The following PTPRN2 variants were observed in gnomAD, a reference collection of about 807,000 sequenced individuals.
PTPRN2 encodes the protein receptor-type tyrosine-protein phosphatase N2.
PTPRN2 carries 74 observed loss-of-function variants against 118.8 expected under a neutral mutation model. That is an observed-to-expected ratio of 0.62 (90% CI 0.52 to 0.76). The LOEUF (loss-of-function observed/expected upper bound fraction) is 0.76. Among genes scored for constraint, PTPRN2 ranks in the 30% least tolerant of loss-of-function variants. The pLI, the probability that PTPRN2 is intolerant of heterozygous loss-of-function variation, is 0.00. For missense variants in PTPRN2, 1,481 were observed against 1,394.4 expected (o/e 1.06, Z -0.99); for synonymous variants, 641 against 608.0 (o/e 1.05, Z -0.80).
At chr7:157,983,588 CAT>C (rs112663616) in intron 11 of PTPRN2, among the ~76,000 whole-genome samples, 5,038 of 152,260 alleles carry the variant, frequency 0.033, 223 homozygotes, top group African/African-American at 0.095. Context: ...CCCCCGCCCA[CAT>C]GTGTCCACCA....
rs1301077842 is a variant in PTPRN2 at position 158,509,465 on chromosome 7, G to GC, written c.113-19681dup. Among the ~76,000 whole-genome samples, 1 of 152,218 alleles carries GC rather than the reference G, an allele frequency of 6.6e-6. No individual in the cohort carries two copies. Among genetic ancestry groups the GC allele is most frequent in the Non-Finnish European group, 1.5e-5 (1 of 68,032 alleles). On this transcript the variant is annotated intron_variant, in intron 1 of 22. Coordinates refer to ENST00000389418, the MANE Select transcript of PTPRN2 (RefSeq NM_002847.5). The surrounding 1 kb of genome is among the most constrained non-coding windows in gnomAD (Gnocchi z 4.4). ...AGCTCAGCATCCTGGCATCAAGTCT[G>GC]CCATTCAGGCCACACTGGGACTTGG...
At chr7:158,394,408 G>T (rs971362444) in intron 2 of PTPRN2, among the ~76,000 whole-genome samples, 1 of 152,222 alleles carries the variant, frequency 6.6e-6, no homozygotes, top group Non-Finnish European at 1.5e-5. Flanking sequence ...GGTGTGTGCA[G>T]GGAACACCTG....
intron 12 of PTPRN2, among the ~76,000 whole-genome samples, chr7:157,723,234 G>T (rs1391014734): frequency 6.6e-6 from 1 of 152,160 alleles, no homozygotes; most frequent in African/African-American, 2.4e-5. Context: ...TTGCCCTGAC[G>T]CCTCTCCTGG....
intron 3 of PTPRN2, among the ~76,000 whole-genome samples, chr7:158,235,563 G>A (rs117870756): frequency 5.3e-5 from 8 of 152,320 alleles, no homozygotes; most frequent in Admixed American, 1.3e-4. Flanking sequence ...GGGTGCCTCC[G>A]TTGAGATTGG....
intron 11 of PTPRN2, among the ~76,000 whole-genome samples, chr7:157,966,401 A>G (rs1801932554): frequency 6.6e-6 from 1 of 151,766 alleles, no homozygotes; most frequent in East Asian, 1.9e-4. Flanking sequence ...CATCACTATC[A>G]CCATCATCGC....
At chr7:157,544,265 T>C (rs221263) in intron 22 of PTPRN2, among the ~76,000 whole-genome samples, 146,305 of 152,260 alleles carry the variant, frequency 0.96, 70,383 homozygotes, top group Middle Eastern at 1. Flanking sequence ...CTGGAGCTGA[T>C]GTGTGAGCGT....
intron 1 of PTPRN2, among the ~76,000 whole-genome samples, chr7:158,534,698 C>G (rs1382605061): frequency 1.3e-5 from 2 of 152,228 alleles, no homozygotes; most frequent in Non-Finnish European, 2.9e-5. Flanking sequence ...AGCTAGCCTA[C>G]CACGTCACAC....
At chr7:157,803,650 G>T (rs1805456623) in intron 12 of PTPRN2, among the ~76,000 whole-genome samples, 1 of 152,154 alleles carries the variant, frequency 6.6e-6, no homozygotes, top group Non-Finnish European at 1.5e-5. Flanking sequence ...TTTGCATGTG[G>T]ACATCCAGTT....
At chr7:158,149,334 C>T (rs970427833) in intron 6 of PTPRN2, among the ~76,000 whole-genome samples, 2 of 152,158 alleles carry the variant, frequency 1.3e-5, no homozygotes, top group African/African-American at 4.8e-5. Context: ...ATATTTAACC[C>T]CTGGAAATTA....
At chr7:157,602,235 G>A (rs1585091970) in intron 16 of PTPRN2, among the ~76,000 whole-genome samples, 1 of 152,242 alleles carries the variant, frequency 6.6e-6, no homozygotes, top group Non-Finnish European at 1.5e-5. Flanking sequence ...TCTTCACTTT[G>A]AATTCAGTCT....
At chr7:157,965,909 G>A (rs958159337) in intron 11 of PTPRN2, among the ~76,000 whole-genome samples, 4 of 152,182 alleles carry the variant, frequency 2.6e-5, no homozygotes, top group African/African-American at 4.8e-5. Flanking sequence ...GGAAGCCCTC[G>A]AGAGCCACTG....
At chr7:158,581,665 C>T (rs1828633400) in intron 1 of PTPRN2, among the ~76,000 whole-genome samples, 1 of 152,166 alleles carries the variant, frequency 6.6e-6, no homozygotes, top group Admixed American at 6.5e-5. Flanking sequence ...CCAGGGAATG[C>T]CCTTGGTTTT....
intron 11 of PTPRN2, among the ~76,000 whole-genome samples, chr7:158,000,090 T>C (rs1805100105): frequency 6.6e-6 from 1 of 152,128 alleles, no homozygotes; most frequent in Admixed American, 6.5e-5. Context: ...CTTCACCATG[T>C]TGGCCAGGCT....
intron 13 of PTPRN2, among the ~76,000 whole-genome samples, chr7:157,675,690 G>A (rs1408498513): frequency 3.9e-5 from 6 of 152,164 alleles, no homozygotes; most frequent in African/African-American, 1.2e-4. Context: ...TCCCAGCCCC[G>A]CGGGCACTGA....
At chr7:157,809,196 A>G (rs1041224237) in intron 12 of PTPRN2, among the ~76,000 whole-genome samples, 5 of 152,276 alleles carry the variant, frequency 3.3e-5, no homozygotes, top group Non-Finnish European at 7.3e-5. Flanking sequence ...GACAAGCCAG[A>G]TGCCTTATGG....
chr7:158,462,686 TG>T (rs1398813504), intron 2 of PTPRN2, among the ~76,000 whole-genome samples: 1 of 152,174 alleles, frequency 6.6e-6, no homozygotes, highest in Non-Finnish European at 1.5e-5. Flanking sequence ...CCTCAGGCCC[TG>T]TGTTTCTCAC....
At chr7:157,854,158 T>C (rs1318899796) in intron 12 of PTPRN2, among the ~76,000 whole-genome samples, 1 of 152,192 alleles carries the variant, frequency 6.6e-6, no homozygotes, top group African/African-American at 2.4e-5. Context: ...TTTCCCTGCC[T>C]CCGCCTCCCT....
chr7:158,583,250 G>A (rs1828727077), intron 1 of PTPRN2, among the ~76,000 whole-genome samples: 2 of 152,206 alleles, frequency 1.3e-5, no homozygotes, highest in South Asian at 2.1e-4. Flanking sequence ...TTCATCAGAA[G>A]ATGGGGCCTT....
chr7:158,205,190 C>T lies in PTPRN2; in HGVS notation c.361G>A (p.Glu121Lys). ...DLPKTYLRRP[E>K]ASSPARPSKH... ...ACTTACCTGGCTGGGCTGGATGCTT[C>T]AGGACGCCTCAGGTAGGTTTTCGGG... Residue 121 changes from glutamate (E) to lysine (K), a missense_variant, in exon 4 of 23, where the codon GAA becomes AAA. Physicochemically the swap from Glu to Lys is moderately conservative, Grantham distance 56. Coordinates refer to ENST00000389418, the MANE Select transcript of PTPRN2 (RefSeq NM_002847.5). 1 of 1,614,094 alleles carries T rather than the reference C, an allele frequency of 6.2e-7. No homozygotes were observed. The highest frequency in any genetic ancestry group is 8.5e-7 in the Non-Finnish European group (1 of 1,179,948).
Sources: allele counts gnomAD v4.1 joint callset (sites outside exome capture counted in the v4.1 genomes callset), GRCh38; gene constraint gnomAD v4.1.1; non-coding constraint Gnocchi (gnomAD v3.1); transcripts MANE v1.5; gene names NCBI Gene and HGNC (gene_info 2026-07-23, HGNC 2026-07-21).